Variants in TBC1D5 observed in about 807,000 individuals in gnomAD.
TBC1D5 encodes TBC1 domain family, member 5.
Under a neutral mutation model 100.3 loss-of-function variants are expected in TBC1D5, and 75 were observed. The ratio of observed to expected loss-of-function variants is 0.75; its 90% CI spans 0.62 to 0.91. The LOEUF is 0.91. Ranked by LOEUF, TBC1D5 falls within the 40% of genes least tolerant of loss-of-function variation. The probability of loss-of-function intolerance (pLI) is 0.00; values close to 1 mark genes in which losing one functional copy is unlikely to be tolerated. For synonymous variants in TBC1D5, 323 were observed against 325.6 expected, an observed-to-expected ratio of 0.99 and a Z score of 0.09; for missense variants, 910 against 942.4, an observed-to-expected ratio of 0.97 and a Z score of 0.45.
At chr3:17,276,176 C>A (rs2079987763) in intron 15 of TBC1D5, among the ~76,000 whole-genome samples, 1 of 152,146 alleles carries the variant, frequency 6.6e-6, no homozygotes, top group Non-Finnish European at 1.5e-5. Flanking sequence ...TTCCTCGGTT[C>A]ATAGATAGTG....
At chr3:17,343,880 A>G (rs949062407) in intron 13 of TBC1D5, among the ~76,000 whole-genome samples, 83 of 152,072 alleles carry the variant, frequency 5.5e-4, no homozygotes, top group African/African-American at 2.0e-3. Flanking sequence ...TAGTCTTGCT[A>G]GCGGTCTATC....
chr3:17,247,861 C>T (rs907384349), intron 16 of TBC1D5, among the ~76,000 whole-genome samples: 1 of 152,116 alleles, frequency 6.6e-6, no homozygotes, highest in Non-Finnish European at 1.5e-5. Context: ...TTTACCCATC[C>T]GTAGGAACTC....
chr3:17,498,975 T>C (rs2150746656), intron 3 of TBC1D5, among the ~76,000 whole-genome samples: 1 of 152,258 alleles, frequency 6.6e-6, no homozygotes, highest in East Asian at 1.9e-4. Context: ...AAATAGGTCT[T>C]TGGGGACCTC....
intron 3 of TBC1D5, among the ~76,000 whole-genome samples, chr3:17,462,938 G>A (rs2095241632): frequency 6.6e-6 from 1 of 152,126 alleles, no homozygotes; most frequent in African/African-American, 2.4e-5. Context: ...TGGGTGAATA[G>A]TTGGGGTAAG....
intron 2 of TBC1D5, among the ~76,000 whole-genome samples, chr3:17,584,327 G>A (rs555973679): frequency 3.3e-5 from 5 of 152,260 alleles, no homozygotes; most frequent in Admixed American, 1.3e-4. Flanking sequence ...CTTCAAAATG[G>A]TGAATTCTGT....
chr3:17,635,673 A>AT (rs1271227346), intron 1 of TBC1D5, among the ~76,000 whole-genome samples: 1 of 152,140 alleles, frequency 6.6e-6, no homozygotes, highest in African/African-American at 2.4e-5. Flanking sequence ...AGAAAAAAAA[A>AT]ATTAAAAGGT....
At chr3:17,403,081 A>T in intron 8 of TBC1D5, 100 bp downstream of exon 8, 2 of 978,340 alleles carry the variant, frequency 2.0e-6, no homozygotes, top group Non-Finnish European at 1.5e-6. Context: ...AGAATACTGC[A>T]TTCAATTAAG....
At chr3:17,481,229 C>T (rs1463539883) in intron 3 of TBC1D5, among the ~76,000 whole-genome samples, 1 of 152,246 alleles carries the variant, frequency 6.6e-6, no homozygotes, top group African/African-American at 2.4e-5. Flanking sequence ...GGGCTGCCCG[C>T]CCCACCGAAG....
At chr3:17,387,127 G>C (rs971298447) in intron 8 of TBC1D5, among the ~76,000 whole-genome samples, 1 of 152,106 alleles carries the variant, frequency 6.6e-6, no homozygotes, top group Admixed American at 6.6e-5. Context: ...CATCGAATAA[G>C]TAAGGTAGAA....
intron 3 of TBC1D5, among the ~76,000 whole-genome samples, chr3:17,429,947 A>C (rs2094417800): frequency 7.4e-6 from 1 of 134,618 alleles, no homozygotes; most frequent in South Asian, 2.3e-4. Flanking sequence ...AAAAATCCTA[A>C]AATGGATTAC....
chr3:17,639,082 T>C (rs1035374411), intron 1 of TBC1D5, among the ~76,000 whole-genome samples: 2 of 152,144 alleles, frequency 1.3e-5, no homozygotes, highest in Admixed American at 1.3e-4. Context: ...TTAGCAGATT[T>C]ATTAATAATA....
At chr3:17,266,546 G>C (rs943293683) in intron 15 of TBC1D5, among the ~76,000 whole-genome samples, 1 of 151,958 alleles carries the variant, frequency 6.6e-6, no homozygotes, top group Non-Finnish European at 1.5e-5. Context: ...GCCTTACCAT[G>C]AGTTAATTTC....
intron 2 of TBC1D5, among the ~76,000 whole-genome samples, chr3:17,597,777 T>C (rs2060665858): frequency 6.6e-6 from 1 of 152,216 alleles, no homozygotes; most frequent in African/African-American, 2.4e-5. Context: ...TAGTTGGTAC[T>C]AAATTAGATC....
intron 3 of TBC1D5, among the ~76,000 whole-genome samples, chr3:17,500,929 C>T (rs1279830744): frequency 6.7e-6 from 1 of 149,354 alleles, no homozygotes; most frequent in African/African-American, 2.5e-5. Context: ...TTTTGAACAG[C>T]TTAATTTAGA....
chr3:17,640,449 C>A (rs1008498985), intron 1 of TBC1D5, among the ~76,000 whole-genome samples: 10 of 151,780 alleles, frequency 6.6e-5, no homozygotes, highest in African/African-American at 2.4e-4. Context: ...AATCCTTCCA[C>A]CCAAAATATC....
At chr3:17,438,301 A>G (rs886852235) in intron 3 of TBC1D5, among the ~76,000 whole-genome samples, 1 of 152,192 alleles carries the variant, frequency 6.6e-6, no homozygotes, top group Non-Finnish European at 1.5e-5. Context: ...ACTTGGAGAA[A>G]TAGTATTAAG....
chr3:17,345,864 A>C (rs1445653046), intron 13 of TBC1D5, among the ~76,000 whole-genome samples: 1 of 152,142 alleles, frequency 6.6e-6, no homozygotes, highest in African/African-American at 2.4e-5. Flanking sequence ...GATGGAATTG[A>C]ACAATGAGAA....
chr3:17,591,535 A>T (rs190747539), intron 2 of TBC1D5, among the ~76,000 whole-genome samples: 135 of 152,254 alleles, frequency 8.9e-4, no homozygotes, highest in African/African-American at 3.2e-3. Flanking sequence ...CATTGATTCC[A>T]GGGACCCAAA....
chr3:17,448,319 T>C (rs2094845922), intron 3 of TBC1D5, among the ~76,000 whole-genome samples: 1 of 152,174 alleles, frequency 6.6e-6, no homozygotes, highest in African/African-American at 2.4e-5. Context: ...CGATGAGGGC[T>C]GGAATCAACT....
Sources: allele counts gnomAD v4.1 joint callset (sites outside exome capture counted in the v4.1 genomes callset), GRCh38; gene constraint gnomAD v4.1.1; transcripts MANE v1.5; gene names NCBI Gene and HGNC (gene_info 2026-07-23, HGNC 2026-07-21).